The following GRIA3 variants were observed in gnomAD, a reference collection of about 807,000 sequenced individuals.
The protein encoded by GRIA3 is glutamate ionotropic receptor AMPA type subunit 3.
GRIA3 carries 3 observed loss-of-function variants against 63.0 expected under a neutral mutation model. The observed-to-expected ratio is 0.05, with a 90% CI of 0.02 to 0.12. GRIA3 has a LOEUF of 0.12. Among genes scored for constraint, GRIA3 ranks in the 10% least tolerant of loss-of-function variants. The pLI, the probability that GRIA3 is intolerant of heterozygous loss-of-function variation, is 1.00. For synonymous variants in GRIA3, 274 were observed against 257.9 expected (o/e 1.06, Z -0.60); for missense variants, 347 against 700.9 (o/e 0.50, Z 5.70).
intron 3 of GRIA3, among the ~76,000 whole-genome samples, chrX:123,285,577 C>CAAAAAAAAAAAAA (rs59101106): frequency 5.0e-3 from 51 of 10,168 alleles, no homozygotes; most frequent in African/African-American, 7.3e-3. Context: ...AAATGAAAAG[C>CAAAAAAAAAAAAA]AAAAAAAAAA....
At chrX:123,350,768 T>C (rs113750686) in intron 4 of GRIA3, among the ~76,000 whole-genome samples, 15 of 112,496 alleles carry the variant, frequency 1.3e-4, no homozygotes, top group African/African-American at 4.5e-4. Context: ...TGTGTTAGTA[T>C]GTAAGAGCTC....
At chrX:123,215,809 TA>T (rs1928144536) in intron 2 of GRIA3, among the ~76,000 whole-genome samples, 1 of 111,756 alleles carries the variant, frequency 8.9e-6, no homozygotes, top group Non-Finnish European at 1.9e-5. Flanking sequence ...ATGGCTAAGT[TA>T]AATCAGAGAA....
At chrX:123,350,643 T>A (rs1312893038) in intron 4 of GRIA3, among the ~76,000 whole-genome samples, 1 of 112,552 alleles carries the variant, frequency 8.9e-6, no homozygotes, top group Non-Finnish European at 1.9e-5. Flanking sequence ...ACCCCCAGTT[T>A]CACAGATGAG....
At chrX:123,418,146 A>C (rs1274410834) in intron 11 of GRIA3, among the ~76,000 whole-genome samples, 1 of 111,901 alleles carries the variant, frequency 8.9e-6, no homozygotes, top group African/African-American at 3.2e-5. Flanking sequence ...CTCATTTCTA[A>C]AGAGATTGGA....
In GRIA3 at chrX:123,463,656, GAA is replaced by G. The variant is rs1569440846; in HGVS notation, c.2077-1207_2077-1206del. 1.6e-3 allele frequency among the ~76,000 whole-genome samples: 79 copies of G among 49,407 alleles called. 8 individuals carry two copies. Among genetic ancestry groups the G allele is most frequent in the African/African-American group, 7.1e-3 (69 of 9,745 alleles). 42.9% of individuals were successfully genotyped at this position (49,407 alleles called of 115,157 possible). ...AGAAAGAAAGAAAGAAAGAAAGAAAGAAAGAAAGAAAGAAAGAAAGAAAGAAA... is the reference window on the plus strand; with the variant it reads ...AGAAAGAAAGAAAGAAAGAAAGAAAGAGAAAGAAAGAAAGAAAGAAAGAAA... On this transcript the variant is annotated intron_variant, in intron 12 of 15. Transcript: ENST00000620443.
chrX:123,363,711 TCAAA>T (rs1402885511), intron 5 of GRIA3, among the ~76,000 whole-genome samples: 3 of 112,512 alleles, frequency 2.7e-5, no homozygotes, highest in Non-Finnish European at 5.6e-5. Context: ...CATGCACTGA[TCAAA>T]CAAACAGACA....
chrX:123,319,092 C>T (rs1365089338), intron 3 of GRIA3, among the ~76,000 whole-genome samples: 1 of 111,498 alleles, frequency 9.0e-6, no homozygotes, highest in African/African-American at 3.3e-5. Context: ...GAAAGCCCAA[C>T]CCCCGTGATT....
At chrX:123,288,770 C>T (rs1206189498) in intron 3 of GRIA3, among the ~76,000 whole-genome samples, 1 of 111,949 alleles carries the variant, frequency 8.9e-6, no homozygotes, top group African/African-American at 3.2e-5. Context: ...CAGGAAACAA[C>T]AGATGCTGGA....
intron 2 of GRIA3, among the ~76,000 whole-genome samples, chrX:123,233,281 A>C (rs1294084295): frequency 2.7e-5 from 3 of 111,764 alleles, no homozygotes; most frequent in Non-Finnish European, 5.7e-5. Flanking sequence ...CATAACACTT[A>C]AGCCTAGGGA....
At chrX:123,483,488 C>T (rs1022240123) in intron 15 of GRIA3, among the ~76,000 whole-genome samples, 34 of 112,271 alleles carry the variant, frequency 3.0e-4, no homozygotes, top group African/African-American at 9.4e-4. Flanking sequence ...ACATTCTTCA[C>T]GCTAATCTTG....
At position 123,393,994 on chromosome X, in the gene GRIA3, T is replaced by C. The variant is rs774128055; in HGVS notation, c.751-974T>C. Among the ~76,000 whole-genome samples the C allele has an allele frequency of 4.5e-5, 5 of 112,300 alleles. No individual in the cohort carries two copies. The East Asian group carries it at 1.4e-3, about 31-fold the overall frequency. On this transcript the variant is annotated intron_variant, in intron 5 of 15. Transcript: ENST00000620443. The stretch of plus-strand genomic sequence containing the variant: ...ATGGAGATACTCCTTTCACAAGGCT[T>C]AGGTGGCAGAAGCACCAGATGGTAG...
At chrX:123,431,785 T>G (rs1396061116) in intron 12 of GRIA3, among the ~76,000 whole-genome samples, 1 of 112,246 alleles carries the variant, frequency 8.9e-6, no homozygotes, top group Non-Finnish European at 1.9e-5. Context: ...ATTTCTTTTT[T>G]TGTGAAAATT....
intron 2 of GRIA3, among the ~76,000 whole-genome samples, chrX:123,208,439 G>A (rs998580619): frequency 3.6e-5 from 4 of 112,145 alleles, no homozygotes; most frequent in Non-Finnish European, 7.5e-5. Flanking sequence ...CCAACCACCA[G>A]TTTTTAATGA....
chrX:123,256,174 C>A (rs1464571072), intron 3 of GRIA3, among the ~76,000 whole-genome samples: 2 of 111,372 alleles, frequency 1.8e-5, no homozygotes, highest in Admixed American at 1.9e-4. Context: ...TCAAACTCTA[C>A]CTCCCCAAGG....
At chrX:123,435,960 A>C (rs1445994763) in intron 12 of GRIA3, among the ~76,000 whole-genome samples, 1 of 111,813 alleles carries the variant, frequency 8.9e-6, no homozygotes, top group African/African-American at 3.3e-5. Context: ...GCTCTTTAAA[A>C]GTATGAAGGT....
chrX:123,406,921 T>A (rs1176945183), intron 10 of GRIA3, among the ~76,000 whole-genome samples: 1 of 111,738 alleles, frequency 8.9e-6, no homozygotes, highest in East Asian at 2.8e-4. Flanking sequence ...TCTTTCCTGT[T>A]CCTCATCTCC....
chrX:123,344,913 T>C (rs944540545), intron 4 of GRIA3, among the ~76,000 whole-genome samples: 2 of 111,701 alleles, frequency 1.8e-5, no homozygotes, highest in African/African-American at 6.5e-5. Context: ...TCAGTGTGCA[T>C]CAGAATCACC....
chrX:123,419,090 T>C (rs1000306013), intron 11 of GRIA3, among the ~76,000 whole-genome samples: 3 of 112,183 alleles, frequency 2.7e-5, no homozygotes, highest in Non-Finnish European at 5.6e-5. Flanking sequence ...TACTGACACA[T>C]CTATAACATG....
chrX:123,398,624 C>T lies in GRIA3; in HGVS notation c.913-12C>T, dbSNP rs766495534. On this transcript the variant is annotated splice_polypyrimidine_tract_variant and intron_variant, in intron 6 of 15. Transcript: ENST00000620443. ...TTATCATGATATCTTGTTTTTCATGCATCCATTTCAGTATACATCTGCATT... is the reference window on the plus strand; with the variant it reads ...TTATCATGATATCTTGTTTTTCATGTATCCATTTCAGTATACATCTGCATT... The T allele has an allele frequency of 2.5e-6, 3 of 1,187,328 alleles. No individual in the cohort carries two copies.
Sources: allele counts gnomAD v4.1 joint callset (sites outside exome capture counted in the v4.1 genomes callset), GRCh38; gene constraint gnomAD v4.1.1; transcripts MANE v1.5; gene names NCBI Gene and HGNC (gene_info 2026-07-23, HGNC 2026-07-21).